Variants in ZFAND3 observed in about 807,000 individuals in gnomAD.
ZFAND3 encodes AN1-type zinc finger protein 3.
A neutral mutation model predicts 29.6 loss-of-function variants in ZFAND3; 10 were observed. That is an observed-to-expected ratio of 0.34 (90% CI 0.21 to 0.57). The LOEUF (loss-of-function observed/expected upper bound fraction) is 0.57. Ranked by LOEUF, ZFAND3 falls within the 20% of genes least tolerant of loss-of-function variation. The pLI is 0.86. For synonymous variants in ZFAND3, 128 were observed against 112.6 expected (o/e 1.14, Z -0.87); for missense variants, 230 against 304.5 (o/e 0.76, Z 1.82).
At chr6:37,939,361 T>G (rs183834688) in intron 2 of ZFAND3, among the ~76,000 whole-genome samples, 2 of 152,340 alleles carry the variant, frequency 1.3e-5, no homozygotes, top group Admixed American at 1.3e-4. Context: ...CCACATGGCC[T>G]TCTCCCCTGT....
At chr6:37,972,243 C>T (rs1762401308) in intron 2 of ZFAND3, among the ~76,000 whole-genome samples, 1 of 152,200 alleles carries the variant, frequency 6.6e-6, no homozygotes, top group African/African-American at 2.4e-5. Context: ...AGCTGTTCTC[C>T]AGCTGCACAC....
intron 1 of ZFAND3, among the ~76,000 whole-genome samples, chr6:37,842,658 G>A (rs981046352): frequency 1.6e-4 from 25 of 151,992 alleles, no homozygotes; most frequent in Admixed American, 1.3e-3. Flanking sequence ...TCAAGAAAAG[G>A]ACTAGAATAG....
chr6:38,144,171 G>GATATATATATATAATATATATATAT (rs1326697395), intron 5 of ZFAND3, among the ~76,000 whole-genome samples: 2 of 87,320 alleles, frequency 2.3e-5, no homozygotes, highest in Non-Finnish European at 4.1e-5. Context: ...AGAAAAATGT[G>GATATATATATATAATATATATATAT]ATATATATAT....
intron 2 of ZFAND3, among the ~76,000 whole-genome samples, chr6:38,059,338 T>G (rs983348474): frequency 1.3e-5 from 2 of 152,202 alleles, no homozygotes; most frequent in African/African-American, 2.4e-5. Context: ...TATATAAGTA[T>G]TATTATACCG....
At chr6:38,037,426 A>C (rs953758603) in intron 2 of ZFAND3, among the ~76,000 whole-genome samples, 1 of 152,214 alleles carries the variant, frequency 6.6e-6, no homozygotes, top group African/African-American at 2.4e-5. Flanking sequence ...ATGACTGCTA[A>C]TTTAACAAGC....
chr6:38,095,262 T>G (rs1764954283), intron 4 of ZFAND3, among the ~76,000 whole-genome samples: 3 of 152,200 alleles, frequency 2.0e-5, no homozygotes. Context: ...AGCCATTGCA[T>G]AAGAATCTCT....
chr6:38,006,677 T>A (rs2842525), intron 2 of ZFAND3, among the ~76,000 whole-genome samples: 138,044 of 141,156 alleles, frequency 0.98, 67,538 homozygotes, highest in Admixed American at 0.98. Flanking sequence ...TTTTTTTTTT[T>A]AATTGATGGT....
intron 1 of ZFAND3, among the ~76,000 whole-genome samples, chr6:37,884,816 G>A (rs1178069900): frequency 6.6e-6 from 1 of 152,164 alleles, no homozygotes; most frequent in Non-Finnish European, 1.5e-5. Flanking sequence ...CTGTTGCATA[G>A]AGAACATTTA....
chr6:37,831,817 G>A (rs933692607), intron 1 of ZFAND3, among the ~76,000 whole-genome samples: 5 of 152,182 alleles, frequency 3.3e-5, no homozygotes, highest in African/African-American at 1.2e-4. Flanking sequence ...ATGGCAGGAG[G>A]CAAGACAAAC....
intron 1 of ZFAND3, among the ~76,000 whole-genome samples, chr6:37,927,444 TGAGTG>T (rs1164795468): frequency 1.3e-5 from 2 of 152,160 alleles, no homozygotes; most frequent in Non-Finnish European, 2.9e-5. Context: ...TCAGAGAAGT[TGAGTG>T]GAGATGAGAG....
intron 2 of ZFAND3, among the ~76,000 whole-genome samples, chr6:38,037,414 G>A (rs534703620): frequency 6.6e-6 from 1 of 152,300 alleles, no homozygotes; most frequent in South Asian, 2.1e-4. Flanking sequence ...TTTAAGAGAA[G>A]TATGACTGCT....
intron 2 of ZFAND3, among the ~76,000 whole-genome samples, chr6:37,974,059 A>G (rs1762435624): frequency 6.6e-6 from 1 of 152,166 alleles, no homozygotes; most frequent in Non-Finnish European, 1.5e-5. Context: ...ACAACAAATA[A>G]TTATTCTTTT....
At chr6:37,964,279 C>T (rs1190483288) in intron 2 of ZFAND3, among the ~76,000 whole-genome samples, 1 of 152,192 alleles carries the variant, frequency 6.6e-6, no homozygotes, top group African/African-American at 2.4e-5. Context: ...CACATGACTA[C>T]CCTACCATGC....
At chr6:37,964,520 T>G (rs1401262429) in intron 2 of ZFAND3, among the ~76,000 whole-genome samples, 1 of 152,202 alleles carries the variant, frequency 6.6e-6, no homozygotes, top group East Asian at 1.9e-4. Flanking sequence ...GCACAGCCCC[T>G]TAGAGACAGC....
intron 2 of ZFAND3, among the ~76,000 whole-genome samples, chr6:38,041,334 T>C (rs190413120): frequency 6.6e-6 from 1 of 152,270 alleles, no homozygotes; most frequent in Admixed American, 6.5e-5. Flanking sequence ...TGTCCTTTTC[T>C]TCATGGAAAT....
chr6:37,849,562 C>G (rs560831963), intron 1 of ZFAND3, among the ~76,000 whole-genome samples: 1 of 152,214 alleles, frequency 6.6e-6, no homozygotes, highest in Admixed American at 6.5e-5. Context: ...GCACCCACCA[C>G]TATGCCTGGC....
intron 2 of ZFAND3, among the ~76,000 whole-genome samples, chr6:38,016,988 T>G (rs1763262956): frequency 6.6e-6 from 1 of 152,220 alleles, no homozygotes; most frequent in Non-Finnish European, 1.5e-5. Context: ...TGAACTTCCC[T>G]TTTCTAACCT....
intron 2 of ZFAND3, among the ~76,000 whole-genome samples, chr6:38,023,428 T>C (rs1210434210): frequency 6.6e-6 from 1 of 152,206 alleles, no homozygotes; most frequent in African/African-American, 2.4e-5. Context: ...CAAAAAATGA[T>C]AAGTATATGA....
intron 1 of ZFAND3, among the ~76,000 whole-genome samples, chr6:37,880,789 C>T (rs1764878163): frequency 7.0e-6 from 1 of 143,180 alleles, no homozygotes; most frequent in African/African-American, 2.6e-5. Context: ...TGTGCTAGCA[C>T]CTCATAAAAA....
Sources: gnomAD v4.1 joint callset for allele counts (sites outside exome capture counted in the v4.1 genomes callset) on GRCh38, gnomAD v4.1.1 for gene constraint, MANE v1.5 for transcripts, NCBI Gene and HGNC (gene_info 2026-07-23, HGNC 2026-07-21) for gene names.